The following TMEM223 variants were observed in gnomAD, a reference collection of about 807,000 sequenced individuals.
The protein encoded by TMEM223 is transmembrane protein 223.
TMEM223 carries 14 observed loss-of-function variants against 14.1 expected under a neutral mutation model. The ratio of observed to expected loss-of-function variants is 0.99; its 90% confidence interval spans 0.66 to 1.55. The LOEUF is 1.55. Ranked by LOEUF, TMEM223 falls within the 40% of genes most tolerant of loss-of-function variation. The pLI is 0.00. For synonymous variants in TMEM223, 145 were observed against 120.5 expected (o/e 1.20, Z -1.33); for missense variants, 346 against 269.9 (o/e 1.28, Z -1.97).
At chr11:62,775,126 A>T (rs926683892) in intron 1 of TMEM223, among the ~76,000 whole-genome samples, 3 of 152,086 alleles carry the variant, frequency 2.0e-5, no homozygotes, top group Non-Finnish European at 2.9e-5. Context: ...AACTGACTCA[A>T]TGCTGGGGAG....
intron 2 of TMEM223, among the ~76,000 whole-genome samples, chr11:62,772,675 C>T (rs534318032): frequency 6.6e-6 from 1 of 150,390 alleles, no homozygotes; most frequent in South Asian, 2.1e-4. Flanking sequence ...ACTAAAAATA[C>T]AAAAATTAGC....
downstream of TMEM223, chr11:62,787,372 G>C: frequency 6.5e-7 from 1 of 1,545,426 alleles, no homozygotes; most frequent in Non-Finnish European, 8.7e-7. Context: ...GGTCGCGCCG[G>C]ATAAGGTGGG....
chr11:62,790,382 T>A lies in TMEM223; in HGVS notation c.*241A>T, dbSNP rs1232885686. On this transcript the variant is annotated 3_prime_UTR_variant, in exon 2 of 2. Transcript: ENST00000307366. ...TGCTCCTTTATTTGTTGTTAATGAATCTTGACCTCCTTGTGTGACCCTGGT... is the reference window on the plus strand; with the variant it reads ...TGCTCCTTTATTTGTTGTTAATGAAACTTGACCTCCTTGTGTGACCCTGGT... 5 of 561,366 alleles carry A rather than the reference T, an allele frequency of 8.9e-6. No individual in the cohort carries two copies. In the East Asian group the frequency reaches 1.5e-4, roughly 17 times the overall value. The allele number at this position is 561,366 out of a possible 1,614,324, so 34.8% of individuals were successfully genotyped here.
At position 62,790,787 on chromosome 11, in the gene TMEM223, CTG is replaced by C; in HGVS notation, c.443_444del (p.Thr148SerfsTer14). 1 of 1,607,970 alleles carries C rather than the reference CTG, an allele frequency of 6.2e-7. No homozygotes were observed. On this transcript the variant is annotated frameshift_variant, in exon 2 of 2. Coordinates refer to ENST00000307366, the MANE Select transcript of TMEM223 (RefSeq NM_001080501.3). LOFTEE classifies it high-confidence loss of function. ...HAPFGLGAHF[T>X]VPLKQVSCMA... ...ATGCAAGATACCTGCTTCAAAGGAA[CTG>C]TGAAATGGGCCCCCAAGCCAAAGGG...
In TMEM223 at chr11:62,781,528, G is replaced by A. The variant is rs189633104; in HGVS notation, c.315-6863C>T. On this transcript the variant is annotated intron_variant, in intron 1 of 2. Coordinates refer to the TMEM223 transcript ENST00000528367. ...CTCTACTAAAAAATAGAAAAAATTA[G>A]CCGGGTGTGGTGGCAGGCGCCTGTA... 8.3e-3 allele frequency among the ~76,000 whole-genome samples: 1,256 copies of A among 152,052 alleles called. 8 individuals are homozygous for A. Among genetic ancestry groups the A allele is most frequent in the Admixed American group, 0.011 (165 of 15,248 alleles).
chr11:62,777,183 T>G (rs1158655796), intron 1 of TMEM223, among the ~76,000 whole-genome samples: 1 of 150,450 alleles, frequency 6.6e-6, no homozygotes, highest in Non-Finnish European at 1.5e-5. Flanking sequence ...AAAAATTAGC[T>G]GGGTGTGGTG....
At position 62,775,462 on chromosome 11, in the gene TMEM223, C is replaced by T. The variant is rs555300742; in HGVS notation, c.315-797G>A. 1.1e-4 allele frequency among the ~76,000 whole-genome samples: 17 copies of T among 152,326 alleles called. No homozygotes were observed. In the South Asian group the frequency reaches 3.5e-3, roughly 32 times the overall value. ...GGCAGGAATTATTGTGCCTGTTTTACAGTTTAGGACACAAGGGCTCAGACT... is the reference window on the plus strand; with the variant it reads ...GGCAGGAATTATTGTGCCTGTTTTATAGTTTAGGACACAAGGGCTCAGACT... On this transcript the variant is annotated intron_variant, in intron 1 of 2. Coordinates refer to the TMEM223 transcript ENST00000528367.
chr11:62,774,045 G>A (rs2084168212), intron 2 of TMEM223, among the ~76,000 whole-genome samples: 1 of 152,074 alleles, frequency 6.6e-6, no homozygotes, highest in Non-Finnish European at 1.5e-5. Context: ...AGTACATGCA[G>A]AGCCTCCAGA....
chr11:62,786,949 G>A (rs1336871238), downstream of TMEM223: 4 of 1,454,618 alleles, frequency 2.7e-6, no homozygotes, highest in South Asian at 4.1e-5. Context: ...CAGCGGCGGA[G>A]GCGGCCCCGC....
downstream of TMEM223, chr11:62,787,208 A>G: frequency 5.0e-6 from 8 of 1,587,284 alleles, no homozygotes; most frequent in Non-Finnish European, 6.0e-6. Context: ...GCCTCGCGCT[A>G]CGTGCAGAAA....
intron 1 of TMEM223, chr11:62,778,929 G>C: frequency 6.2e-7 from 1 of 1,614,046 alleles, no homozygotes; most frequent in Non-Finnish European, 8.5e-7. Context: ...CAGGTGACTC[G>C]TGCTGTGCTA....
At chr11:62,787,642 A>G, downstream of TMEM223, 2 of 1,329,360 alleles carry the variant, frequency 1.5e-6, no homozygotes, top group East Asian at 5.1e-5. Flanking sequence ...GGACCTGGTG[A>G]GGCACGGCTG....
chr11:62,786,893 C>A, downstream of TMEM223: 1 of 1,553,420 alleles, frequency 6.4e-7, no homozygotes, highest in South Asian at 1.1e-5. Context: ...CCGCAGCTGA[C>A]GGCAAGCGCC....
chr11:62,780,689 GGAGGCCGAGGTGGGTGGATCATGT>G (rs2084222178), intron 1 of TMEM223, among the ~76,000 whole-genome samples: 1 of 151,994 alleles, frequency 6.6e-6, no homozygotes, highest in Non-Finnish European at 1.5e-5. Context: ...CAGCAGTTTG[GGAGGCCGAGGTGGGTGGATCATGT>G]GAGGCCGGGA....
chr11:62,785,672 T>C (rs201132821), downstream of TMEM223, among the ~76,000 whole-genome samples: 1 of 152,116 alleles, frequency 6.6e-6, no homozygotes, highest in East Asian at 1.9e-4. Context: ...GTAGTTGAGA[T>C]TACAGGCAAC....
downstream of TMEM223, chr11:62,787,071 G>C (rs2084287879): frequency 6.5e-7 from 1 of 1,530,644 alleles, no homozygotes; most frequent in East Asian, 2.5e-5. Flanking sequence ...ACGTTTTCCA[G>C]AAGAGCCGTT....
At chr11:62,773,493 A>G (rs2084164565) in intron 2 of TMEM223, among the ~76,000 whole-genome samples, 1 of 131,872 alleles carries the variant, frequency 7.6e-6, no homozygotes, top group African/African-American at 2.9e-5. Flanking sequence ...TGTTACCCAG[A>G]ATGGAGTGCA....
At chr11:62,791,142 G>A (rs2084356350) in intron 1 of TMEM223, among the ~76,000 whole-genome samples, 2 of 152,022 alleles carry the variant, frequency 1.3e-5, no homozygotes, top group Admixed American at 6.6e-5. Flanking sequence ...ATAGATGTCC[G>A]TTTCCATTTT....
chr11:62,774,892 A>C (rs1441413880), intron 1 of TMEM223, among the ~76,000 whole-genome samples: 3 of 141,296 alleles, frequency 2.1e-5, no homozygotes, highest in Non-Finnish European at 4.7e-5. Context: ...ACTCCGTCTC[A>C]AAAAAAAAAA....
Sources: allele counts gnomAD v4.1 joint callset (sites outside exome capture counted in the v4.1 genomes callset), GRCh38; gene constraint gnomAD v4.1.1; transcripts MANE v1.5; gene names NCBI Gene and HGNC (gene_info 2026-07-23, HGNC 2026-07-21).